ABCB11: variants seen among roughly 807,000 people sequenced by gnomAD.
ABCB11 encodes the protein bile salt export pump.
A neutral mutation model predicts 148.0 loss-of-function variants in ABCB11; 95 were observed. The ratio of observed to expected loss-of-function variants is 0.64; its 90% CI spans 0.54 to 0.76. The LOEUF (loss-of-function observed/expected upper bound fraction) is 0.76. Ranked by LOEUF, ABCB11 falls within the 30% of genes least tolerant of loss-of-function variation. The pLI is 0.00. For missense variants in ABCB11, 1,523 were observed against 1,617.8 expected (o/e 0.94, Z 1.01); for synonymous variants, 591 against 555.4 (o/e 1.06, Z -0.90).
chr2:168,968,840 A>G (rs1356593459), intron 16 of ABCB11, among the ~76,000 whole-genome samples: 1 of 151,870 alleles, frequency 6.6e-6, no homozygotes, highest in Non-Finnish European at 1.5e-5. Flanking sequence ...TATTCAGAAT[A>G]ACCCTCCTAT....
chr2:169,009,330 A>AC (rs1266021701), intron 5 of ABCB11, among the ~76,000 whole-genome samples: 1 of 152,080 alleles, frequency 6.6e-6, no homozygotes, highest in Non-Finnish European at 1.5e-5. Flanking sequence ...AACCAACCCA[A>AC]ATGTCCAACA....
intron 19 of ABCB11, 52 bp downstream of exon 19, chr2:168,957,912 T>G (rs1186152065): frequency 8.6e-6 from 12 of 1,389,120 alleles, no homozygotes; most frequent in Non-Finnish European, 1.1e-5. Flanking sequence ...CTTATCAAAA[T>G]AATAAAATAA....
intron 19 of ABCB11, among the ~76,000 whole-genome samples, chr2:168,950,722 T>C (rs1411141847): frequency 1.3e-5 from 2 of 151,868 alleles, no homozygotes; most frequent in East Asian, 3.9e-4. Flanking sequence ...TCCAATTGTG[T>C]AAGTTGTTTG....
intron 10 of ABCB11, among the ~76,000 whole-genome samples, chr2:168,983,163 A>C (rs1417102112): frequency 2.0e-5 from 3 of 152,154 alleles, no homozygotes; most frequent in Admixed American, 1.3e-4. Context: ...TTACCAATTC[A>C]CTTTTCCCTC....
intron 15 of ABCB11, among the ~76,000 whole-genome samples, 166 bp from the exon 16 acceptor site, chr2:168,969,717 A>G (rs974026883): frequency 1.3e-5 from 2 of 152,076 alleles, no homozygotes; most frequent in Non-Finnish European, 2.9e-5. Context: ...TCTTGCAGCC[A>G]TAAACCCCAA....
At chr2:168,919,803 A>C (rs939494605), downstream of ABCB11, among the ~76,000 whole-genome samples, 1 of 151,874 alleles carries the variant, frequency 6.6e-6, no homozygotes, top group East Asian at 1.9e-4. Context: ...TTTTAGTTTC[A>C]TTGTCAAGAG....
intron 12 of ABCB11, among the ~76,000 whole-genome samples, chr2:168,975,724 T>C (rs1478123430): frequency 1.4e-5 from 2 of 145,392 alleles, no homozygotes; most frequent in African/African-American, 5.0e-5. Flanking sequence ...TCTGTATATA[T>C]TCATATATTC....
intron 1 of ABCB11, among the ~76,000 whole-genome samples, chr2:169,023,947 T>C (rs1436888938): frequency 6.6e-6 from 1 of 152,224 alleles, no homozygotes; most frequent in East Asian, 1.9e-4. Context: ...TTGGTGTTCA[T>C]TAAGTTTTTC....
intron 19 of ABCB11, among the ~76,000 whole-genome samples, chr2:168,947,199 A>G (rs927608999): frequency 1.3e-5 from 2 of 151,828 alleles, no homozygotes; most frequent in African/African-American, 4.8e-5. Context: ...ATTAGGAATT[A>G]TGATTCTCAA....
chr2:169,002,672 G>A (rs570566815), intron 5 of ABCB11, among the ~76,000 whole-genome samples: 29 of 152,262 alleles, frequency 1.9e-4, no homozygotes, highest in African/African-American at 6.7e-4. Flanking sequence ...AGTGAAATAA[G>A]CCAGGCACAG....
chr2:168,998,159 T>C (rs540674888), intron 5 of ABCB11, among the ~76,000 whole-genome samples: 5 of 152,206 alleles, frequency 3.3e-5, no homozygotes, highest in South Asian at 4.1e-4. Flanking sequence ...TATATTATTA[T>C]AAGTAAAAGC....
At chr2:168,940,374 T>C (rs892338749) in intron 21 of ABCB11, among the ~76,000 whole-genome samples, 1 of 152,080 alleles carries the variant, frequency 6.6e-6, no homozygotes, top group Admixed American at 6.6e-5. Context: ...ACCAGCTTTA[T>C]TGATGATATG....
chr2:168,917,763 G>A (rs540438886), downstream of ABCB11, among the ~76,000 whole-genome samples: 21 of 152,306 alleles, frequency 1.4e-4, no homozygotes, highest in South Asian at 3.9e-3. Flanking sequence ...GAATTGTAGA[G>A]ACAACTGAGA....
intron 10 of ABCB11, 66 bp downstream of exon 10, chr2:168,986,044 T>G: frequency 7.8e-7 from 1 of 1,274,798 alleles, no homozygotes; most frequent in Non-Finnish European, 1.0e-6. Flanking sequence ...ACAAAATATC[T>G]AATCCATGGA....
intron 5 of ABCB11, among the ~76,000 whole-genome samples, chr2:169,005,027 T>TAAC (rs1694978542): frequency 6.6e-6 from 1 of 152,120 alleles, no homozygotes; most frequent in African/African-American, 2.4e-5. Context: ...CAGCTGTGGA[T>TAAC]AACAGCACCT....
At chr2:168,924,281 C>T (rs937408898) in intron 27 of ABCB11, among the ~76,000 whole-genome samples, 8 of 152,190 alleles carry the variant, frequency 5.3e-5, no homozygotes, top group African/African-American at 1.7e-4. Flanking sequence ...AACCACACAT[C>T]AGATATCACC....
chr2:168,953,400 T>C (rs1692652778), intron 19 of ABCB11, among the ~76,000 whole-genome samples: 1 of 151,658 alleles, frequency 6.6e-6, no homozygotes, highest in African/African-American at 2.4e-5. Flanking sequence ...TTCATATATA[T>C]TTAGAATTGT....
chr2:168,922,296 A>C lies in ABCB11; in HGVS notation c.*1326T>G, dbSNP rs1691104264. ...GTATGTTAGCTGCCCCTTCAACTTC[A>C]TCTTGTGTCTCTAAGTGCAAACCTC... On this transcript the variant is annotated 3_prime_UTR_variant, in exon 28 of 28. Transcript: ENST00000650372. 6.6e-6 allele frequency among the ~76,000 whole-genome samples: 1 copy of C among 151,946 alleles called. No homozygotes were observed. Among genetic ancestry groups the C allele is most frequent in the African/African-American group, 2.4e-5 (1 of 41,334 alleles).
intron 5 of ABCB11, among the ~76,000 whole-genome samples, chr2:169,005,032 G>A (rs915773103): frequency 6.6e-6 from 1 of 152,130 alleles, no homozygotes; most frequent in African/African-American, 2.4e-5. Context: ...GTGGATAACA[G>A]CACCTGCACC....
Sources: allele counts gnomAD v4.1 joint callset (sites outside exome capture counted in the v4.1 genomes callset), GRCh38; gene constraint gnomAD v4.1.1; transcripts MANE v1.5; gene names NCBI Gene and HGNC (gene_info 2026-07-23, HGNC 2026-07-21).